The following FRMPD4 variants were observed in gnomAD, a reference collection of about 807,000 sequenced individuals.
The protein encoded by FRMPD4 is FERM and PDZ domain containing 4, also known as FERM and PDZ domain-containing protein 4.
In FRMPD4, 22 loss-of-function variants were observed where a neutral mutation model predicts 94.1. The ratio of observed to expected loss-of-function variants is 0.23; its 90% CI spans 0.17 to 0.33. The LOEUF (loss-of-function observed/expected upper bound fraction) is 0.33. FRMPD4 is among the 10% of genes least tolerant of loss of function. FRMPD4 has a pLI of 1.00. For synonymous variants in FRMPD4, 631 were observed against 548.6 expected, an observed-to-expected ratio of 1.15 and a Z score of -2.10; for missense variants, 1,111 against 1,339.9, an observed-to-expected ratio of 0.83 and a Z score of 2.67.
intron 3 of FRMPD4, among the ~76,000 whole-genome samples, chrX:11,983,708 C>A (rs961950229): frequency 1.8e-5 from 2 of 111,668 alleles, no homozygotes; most frequent in Non-Finnish European, 3.8e-5. Context: ...GTCACTCCTG[C>A]TGTTCATTGC....
chrX:12,574,079 C>T (rs5979666), intron 2 of FRMPD4, among the ~76,000 whole-genome samples: 26,286 of 111,575 alleles, frequency 0.24, 2,546 homozygotes, highest in African/African-American at 0.38. Flanking sequence ...CAGCTCACTG[C>T]AACTTCTGCC....
At chrX:12,712,218 G>GAA (rs59142640) in intron 14 of FRMPD4, among the ~76,000 whole-genome samples, 249 of 97,440 alleles carry the variant, frequency 2.6e-3, no homozygotes, top group African/African-American at 8.6e-3. Flanking sequence ...AATTAGCAGT[G>GAA]AAAAAAAAAA....
At chrX:12,477,885 T>C (rs1410985248) in intron 1 of FRMPD4, among the ~76,000 whole-genome samples, 3 of 112,525 alleles carry the variant, frequency 2.7e-5, no homozygotes, top group Non-Finnish European at 5.6e-5. Context: ...GTTTTCTTTT[T>C]CCTATCTCCA....
chrX:11,880,176 A>G (rs2147312777), intron 3 of FRMPD4, among the ~76,000 whole-genome samples: 1 of 111,416 alleles, frequency 9.0e-6, no homozygotes, highest in East Asian at 2.8e-4. Flanking sequence ...TCTGGTATGC[A>G]CCCTAGAGCC....
intron 3 of FRMPD4, among the ~76,000 whole-genome samples, chrX:11,990,465 C>G (rs1186905383): frequency 8.9e-6 from 1 of 112,076 alleles, no homozygotes; most frequent in Non-Finnish European, 1.9e-5. Flanking sequence ...CTGCAAATTT[C>G]ACCTAAATAA....
intron 1 of FRMPD4, among the ~76,000 whole-genome samples, chrX:12,495,484 T>G (rs1401004636): frequency 9.0e-6 from 1 of 111,329 alleles, no homozygotes; most frequent in Non-Finnish European, 1.9e-5. Flanking sequence ...TCTAACCCAG[T>G]GTTTCTCAAA....
At chrX:11,880,056 C>G (rs2053805271) in intron 3 of FRMPD4, among the ~76,000 whole-genome samples, 1 of 111,975 alleles carries the variant, frequency 8.9e-6, no homozygotes, top group South Asian at 3.7e-4. Flanking sequence ...ATTAAAGTGA[C>G]TTGAGATTGT....
chrX:12,257,988 T>G (rs373724754), intron 1 of FRMPD4, among the ~76,000 whole-genome samples: 1 of 110,347 alleles, frequency 9.1e-6, no homozygotes, highest in East Asian at 2.8e-4. Context: ...CCTTTAATAC[T>G]AGTCTAGATT....
chrX:12,170,910 C>G (rs1352693494), intron 1 of FRMPD4, among the ~76,000 whole-genome samples: 1 of 113,185 alleles, frequency 8.8e-6, no homozygotes, highest in Non-Finnish European at 1.9e-5. Context: ...TTTCCATTCA[C>G]TGGTGTGGTT....
rs1180030451 is a variant in FRMPD4 at position 12,453,113 on chromosome X, GGTTAT to G, written c.42-45563_42-45559del. 3.3e-4 allele frequency among the ~76,000 whole-genome samples: 37 copies of G among 112,192 alleles called. No homozygotes were observed. The South Asian group carries it at 4.5e-3, about 14-fold the overall frequency. On this transcript the variant is annotated intron_variant, in intron 1 of 16. Coordinates refer to ENST00000675598, the MANE Select transcript of FRMPD4 (RefSeq NM_001368397.1). Reference sequence around the variant, plus strand: ...TAGTATAGAAGCACTGTTGGTCAGTGGTTATGTTGAGTTTTGTTGCCCATTTTAAG... The same window carrying G: ...TAGTATAGAAGCACTGTTGGTCAGTGGTTGAGTTTTGTTGCCCATTTTAAG...
chrX:12,697,108 C>T (rs1388062783), intron 9 of FRMPD4, among the ~76,000 whole-genome samples: 1 of 112,189 alleles, frequency 8.9e-6, no homozygotes, highest in African/African-American at 3.2e-5. Context: ...TTCAATGAAC[C>T]CTGTTGACCA....
At chrX:11,841,928 G>A (rs2053539596) in intron 1 of FRMPD4, among the ~76,000 whole-genome samples, 1 of 110,976 alleles carries the variant, frequency 9.0e-6, no homozygotes, top group South Asian at 3.8e-4. Flanking sequence ...TTTTGTATAA[G>A]GTGTAAGGAG....
At chrX:12,116,264 TTCTC>T (rs772877608) in intron 3 of FRMPD4, among the ~76,000 whole-genome samples, 2 of 111,791 alleles carry the variant, frequency 1.8e-5, no homozygotes, top group South Asian at 3.7e-4. Context: ...CCTTTCAACC[TTCTC>T]TCTCTCTCTC....
intron 2 of FRMPD4, among the ~76,000 whole-genome samples, chrX:12,595,240 A>T (rs1319656138): frequency 2.7e-5 from 3 of 111,991 alleles, no homozygotes; most frequent in African/African-American, 9.7e-5. Context: ...CCAAAAGTGA[A>T]GATGGATGGG....
intron 3 of FRMPD4, chrX:12,614,159 T>A: frequency 8.9e-6 from 1 of 112,167 alleles, no homozygotes; most frequent in Non-Finnish European, 1.9e-5. Context: ...TGGCGATCAA[T>A]GGGGCAACAG....
chrX:12,642,282 G>A (rs2059507154), intron 4 of FRMPD4, among the ~76,000 whole-genome samples: 2 of 111,686 alleles, frequency 1.8e-5, no homozygotes, highest in Non-Finnish European at 3.8e-5. Context: ...ACACTGTAAA[G>A]CATAATGATG....
At chrX:12,000,862 A>AT (rs976422303) in intron 3 of FRMPD4, among the ~76,000 whole-genome samples, 6 of 111,694 alleles carry the variant, frequency 5.4e-5, no homozygotes, top group Admixed American at 4.8e-4. Context: ...GTGCCATAAG[A>AT]TTTTTTTTGA....
intron 1 of FRMPD4, among the ~76,000 whole-genome samples, chrX:12,219,376 CAAAG>C (rs779641511): frequency 9.0e-6 from 1 of 111,091 alleles, no homozygotes; most frequent in Non-Finnish European, 1.9e-5. Context: ...AAAAAAAAGA[CAAAG>C]AAAAGATTAT....
intron 3 of FRMPD4, among the ~76,000 whole-genome samples, chrX:12,024,377 T>C (rs1218143622): frequency 2.7e-5 from 3 of 111,969 alleles, no homozygotes; most frequent in Non-Finnish European, 5.6e-5. Flanking sequence ...AGAAGTAAAA[T>C]AATTTCTCCA....
Sources: gnomAD v4.1 joint callset for allele counts (sites outside exome capture counted in the v4.1 genomes callset) on GRCh38, gnomAD v4.1.1 for gene constraint, MANE v1.5 for transcripts, NCBI Gene and HGNC (gene_info 2026-07-23, HGNC 2026-07-21) for gene names.